The following SCOC variants were observed in gnomAD, a reference collection of about 807,000 sequenced individuals.
The protein encoded by SCOC is short coiled coil protein.
Under a neutral mutation model 9.9 loss-of-function variants are expected in SCOC, and 7 were observed. The ratio of observed to expected loss-of-function variants is 0.71; its 90% CI spans 0.40 to 1.33. The LOEUF is 1.33. Among genes scored for constraint, SCOC ranks in the 40% most tolerant of loss-of-function variants. The pLI, the probability that SCOC is intolerant of heterozygous loss-of-function variation, is 0.01. For synonymous variants in SCOC, 19 were observed against 28.2 expected, an observed-to-expected ratio of 0.67 and a Z score of 1.03; for missense variants, 66 against 89.7, an observed-to-expected ratio of 0.74 and a Z score of 1.07.
intron 1 of SCOC, among the ~76,000 whole-genome samples, chr4:140,320,990 T>A (rs1732484867): frequency 1.3e-5 from 2 of 151,700 alleles, no homozygotes; most frequent in Admixed American, 6.6e-5. Flanking sequence ...CTAACAAGAG[T>A]TGCATCAGAA....
At chr4:140,296,615 G>A (rs536095903) in intron 1 of SCOC, among the ~76,000 whole-genome samples, 10 of 152,090 alleles carry the variant, frequency 6.6e-5, no homozygotes, top group African/African-American at 2.4e-4. Context: ...CTGGTAAACC[G>A]GGTGACATGG....
chr4:140,364,594 C>A (rs1437232049), intron 2 of SCOC, among the ~76,000 whole-genome samples: 1 of 152,166 alleles, frequency 6.6e-6, no homozygotes, highest in East Asian at 1.9e-4. Flanking sequence ...ATGATCAGGA[C>A]TGCCCTTATC....
intron 1 of SCOC, chr4:140,285,183 A>G (rs993345339): frequency 4.4e-6 from 2 of 456,674 alleles, no homozygotes; most frequent in African/African-American, 4.0e-5. Context: ...GTCTTACTCC[A>G]AAGTTGTGTT....
chr4:140,343,743 T>C (rs1726596089), intron 2 of SCOC: 1 of 1,396,542 alleles, frequency 7.2e-7, no homozygotes, highest in Non-Finnish European at 1.0e-6. Flanking sequence ...CAAACATACA[T>C]TCAACAACAG....
intron 1 of SCOC, among the ~76,000 whole-genome samples, chr4:140,262,896 A>G (rs1730662446): frequency 6.6e-6 from 1 of 152,094 alleles, no homozygotes; most frequent in Non-Finnish European, 1.5e-5. Flanking sequence ...CTATCAGGAA[A>G]CAGCCCCAGG....
chr4:140,370,559 T>C (rs1027407402), upstream of SCOC, among the ~76,000 whole-genome samples: 1 of 152,246 alleles, frequency 6.6e-6, no homozygotes, highest in Non-Finnish European at 1.5e-5. Flanking sequence ...GTGATTCTAA[T>C]ATACTGAAAA....
At chr4:140,373,763 G>T in intron 1 of SCOC, 46 bp downstream of exon 1, 2 of 1,520,134 alleles carry the variant, frequency 1.3e-6, no homozygotes, top group Non-Finnish European at 1.8e-6. Context: ...CAGGCGACTA[G>T]AGCTGCATCC....
intron 1 of SCOC, among the ~76,000 whole-genome samples, chr4:140,281,263 A>C (rs1731089161): frequency 6.8e-6 from 1 of 147,494 alleles, no homozygotes; most frequent in South Asian, 2.2e-4. Context: ...CCCTTAAATG[A>C]GGAACAGGTG....
intron 1 of SCOC, among the ~76,000 whole-genome samples, chr4:140,271,625 C>A (rs964472080): frequency 6.6e-6 from 1 of 152,080 alleles, no homozygotes; most frequent in Non-Finnish European, 1.5e-5. Flanking sequence ...ATATGTTAGG[C>A]TGGGAATCTG....
chr4:140,296,583 C>T (rs950887324), intron 1 of SCOC, among the ~76,000 whole-genome samples: 23 of 152,290 alleles, frequency 1.5e-4, no homozygotes, highest in South Asian at 4.2e-4. Context: ...AGGACACTGA[C>T]CCATTTCCAC....
intron 2 of SCOC, among the ~76,000 whole-genome samples, chr4:140,355,205 A>T (rs1727155858): frequency 5.6e-5 from 1 of 17,876 alleles, no homozygotes; most frequent in Non-Finnish European, 9.1e-5. Flanking sequence ...CCTATACATT[A>T]TATTTTTATA....
chr4:140,369,435 C>T (rs941146077), upstream of SCOC: 2 of 302,148 alleles, frequency 6.6e-6, no homozygotes, highest in African/African-American at 2.2e-5. Flanking sequence ...AATTAATGAG[C>T]TTAAAGCATC....
intron 1 of SCOC, among the ~76,000 whole-genome samples, chr4:140,264,457 T>C (rs75100498): frequency 0.028 from 4,260 of 152,282 alleles, 92 homozygotes; most frequent in Non-Finnish European, 0.041. Context: ...TAGACCTTCA[T>C]ACGTATAAAG....
chr4:140,297,470 A>G (rs1406517732), intron 1 of SCOC, among the ~76,000 whole-genome samples: 1 of 152,184 alleles, frequency 6.6e-6, no homozygotes, highest in Non-Finnish European at 1.5e-5. Context: ...GTTTGTGTTC[A>G]GAGCTACCAC....
At chr4:140,324,326 A>G (rs961751234) in intron 1 of SCOC, among the ~76,000 whole-genome samples, 1 of 152,198 alleles carries the variant, frequency 6.6e-6, no homozygotes, top group African/African-American at 2.4e-5. Context: ...ACTATCCCCA[A>G]TCAACACCAG....
intron 3 of SCOC, 92 bp from the exon 4 acceptor site, chr4:140,380,870 T>A: frequency 9.9e-7 from 1 of 1,009,726 alleles, no homozygotes; most frequent in Non-Finnish European, 1.4e-6. Context: ...AAGGATTGTA[T>A]TATTTCTTTT....
At chr4:140,377,322 G>GGGATATTTCATATTTTTTTCTAGAC (rs1728386160) in intron 1 of SCOC, among the ~76,000 whole-genome samples, 1 of 152,158 alleles carries the variant, frequency 6.6e-6, no homozygotes, top group African/African-American at 2.4e-5. Flanking sequence ...AAATACTACA[G>GGGATATTTCATATTTTTTTCTAGAC]TAGGCTGAAT....
intron 1 of SCOC, among the ~76,000 whole-genome samples, chr4:140,270,468 G>A (rs371057852): frequency 4.6e-5 from 7 of 152,078 alleles, no homozygotes; most frequent in African/African-American, 1.4e-4. Context: ...CTAGTAGCTG[G>A]GACTGCAGGC....
At chr4:140,373,743 G>C (rs993675489) in intron 1 of SCOC, 26 bp downstream of exon 1, 310 of 1,539,770 alleles carry the variant, frequency 2.0e-4, no homozygotes, top group Non-Finnish European at 2.6e-4. Flanking sequence ...GGCAGCGGAG[G>C]GCCTGGCCCC....
Sources: allele counts gnomAD v4.1 joint callset (sites outside exome capture counted in the v4.1 genomes callset), GRCh38; gene constraint gnomAD v4.1.1; transcripts MANE v1.5; gene names NCBI Gene and HGNC (gene_info 2026-07-23, HGNC 2026-07-21).